PRKCE: variants seen among roughly 807,000 people sequenced by gnomAD.
PRKCE encodes the protein protein kinase C epsilon, also known as protein kinase C epsilon type.
In PRKCE, 16 loss-of-function variants were observed where a neutral mutation model predicts 85.4. The ratio of observed to expected loss-of-function variants is 0.19; its 90% CI spans 0.13 to 0.28. The LOEUF (loss-of-function observed/expected upper bound fraction) is 0.28. Among genes scored for constraint, PRKCE ranks in the 10% least tolerant of loss-of-function variants. The pLI, the probability that PRKCE is intolerant of heterozygous loss-of-function variation, is 1.00. For missense variants in PRKCE, 573 were observed against 975.2 expected (o/e 0.59, Z 5.49); for synonymous variants, 388 against 371.5 (o/e 1.04, Z -0.51).
intron 10 of PRKCE, among the ~76,000 whole-genome samples, chr2:46,054,114 T>G (rs986223626): frequency 1.1e-4 from 17 of 152,260 alleles, no homozygotes; most frequent in Admixed American, 9.2e-4. Flanking sequence ...TTGTGCTTTT[T>G]ATATAGCAGG....
At chr2:45,670,772 C>T (rs1676122212) in intron 1 of PRKCE, among the ~76,000 whole-genome samples, 1 of 152,202 alleles carries the variant, frequency 6.6e-6, no homozygotes, top group Non-Finnish European at 1.5e-5. Context: ...GAGGAGGTGG[C>T]TTTTGACCTA....
At chr2:45,873,856 C>CA (rs1187595099) in intron 2 of PRKCE, among the ~76,000 whole-genome samples, 1 of 152,188 alleles carries the variant, frequency 6.6e-6, no homozygotes, top group Admixed American at 6.5e-5. Flanking sequence ...CACTCCGCCC[C>CA]AAAAAAACCA....
At chr2:46,021,834 T>C in intron 10 of PRKCE, among the ~76,000 whole-genome samples, 1 of 152,104 alleles carries the variant, frequency 6.6e-6, no homozygotes, top group East Asian at 1.9e-4. Context: ...ATTTACCTTT[T>C]TGTGTGTGTG....
At chr2:46,132,746 G>A (rs114118135) in intron 11 of PRKCE, among the ~76,000 whole-genome samples, 3,030 of 152,290 alleles carry the variant, frequency 0.02, 97 homozygotes, top group African/African-American at 0.06. Context: ...GGAAAGCACC[G>A]CATGGTCTTA....
intron 11 of PRKCE, among the ~76,000 whole-genome samples, chr2:46,137,521 C>T (rs968933283): frequency 5.4e-5 from 8 of 149,134 alleles, no homozygotes; most frequent in African/African-American, 2.0e-4. Flanking sequence ...GAGGCCAAGG[C>T]GGGTGGATCA....
In PRKCE at chr2:45,774,842, C is replaced by T. The variant is rs1472429923; in HGVS notation, c.349-68158C>T. On this transcript the variant is annotated intron_variant, in intron 1 of 14. Coordinates refer to ENST00000306156, the MANE Select transcript of PRKCE (RefSeq NM_005400.3). The surrounding 1 kb of genome is among the most constrained non-coding windows in gnomAD (Gnocchi z 4.3). ...CCTGGGAGTCTCAGTCCTGCTCCTC[C>T]CATTCCTGAGTTCGTCTCCAAGTCC... 6.6e-6 allele frequency among the ~76,000 whole-genome samples: 1 copy of T among 152,190 alleles called. No individual in the cohort carries two copies. The highest frequency in any genetic ancestry group is 2.1e-4 in the South Asian group (1 of 4,824).
At chr2:45,983,605 G>C (rs531526781) in intron 5 of PRKCE, among the ~76,000 whole-genome samples, 1 of 152,278 alleles carries the variant, frequency 6.6e-6, no homozygotes, top group South Asian at 2.1e-4. Flanking sequence ...CTGTGACACT[G>C]GGTGGGACAG....
chr2:46,057,773 T>C (rs1019994146), intron 10 of PRKCE, among the ~76,000 whole-genome samples: 1 of 152,176 alleles, frequency 6.6e-6, no homozygotes, highest in African/African-American at 2.4e-5. Context: ...TTCTCAAGCA[T>C]TCAGGCGTCA....
At chr2:45,848,905 G>T (rs1384372210) in intron 2 of PRKCE, among the ~76,000 whole-genome samples, 1 of 152,170 alleles carries the variant, frequency 6.6e-6, no homozygotes, top group African/African-American at 2.4e-5. Flanking sequence ...GGCTTGGGTT[G>T]GAAAGGAAAG....
chr2:45,985,468 T>G (rs182699703), intron 6 of PRKCE, among the ~76,000 whole-genome samples: 35 of 152,258 alleles, frequency 2.3e-4, no homozygotes, highest in Admixed American at 2.0e-3. Context: ...GCAGGGATAT[T>G]GCATGGACAA....
chr2:46,113,368 C>G (rs991835591), intron 11 of PRKCE, among the ~76,000 whole-genome samples: 1 of 152,222 alleles, frequency 6.6e-6, no homozygotes, highest in Admixed American at 6.5e-5. Context: ...AAATCTCTTT[C>G]AATCTCATTT....
intron 11 of PRKCE, among the ~76,000 whole-genome samples, chr2:46,124,098 G>A (rs1050639644): frequency 1.3e-5 from 2 of 151,824 alleles, no homozygotes; most frequent in African/African-American, 2.4e-5. Context: ...GCCAAGGTGG[G>A]CGGATCACTG....
chr2:45,707,553 T>C (rs1010804548), intron 1 of PRKCE, among the ~76,000 whole-genome samples: 7 of 152,234 alleles, frequency 4.6e-5, no homozygotes, highest in African/African-American at 1.7e-4. Context: ...AAGCTGGTCC[T>C]GTGACTTGCT....
chr2:45,840,001 A>T (rs887523597), intron 1 of PRKCE, among the ~76,000 whole-genome samples: 8 of 152,224 alleles, frequency 5.3e-5, no homozygotes, highest in African/African-American at 1.4e-4. Context: ...ATTTTATCAT[A>T]AATGACCTGT....
intron 10 of PRKCE, among the ~76,000 whole-genome samples, chr2:46,066,083 A>G (rs1667600763): frequency 6.6e-6 from 1 of 152,232 alleles, no homozygotes; most frequent in Non-Finnish European, 1.5e-5. Flanking sequence ...TAACCTTGGC[A>G]TCTCCCATGA....
At chr2:46,129,117 A>T (rs72879734) in intron 11 of PRKCE, among the ~76,000 whole-genome samples, 1,666 of 152,292 alleles carry the variant, frequency 0.011, 27 homozygotes, top group African/African-American at 0.038. Context: ...TGTCATCTTT[A>T]AAATGGGAGT....
At chr2:45,823,874 G>A (rs544141906) in intron 1 of PRKCE, among the ~76,000 whole-genome samples, 22 of 152,234 alleles carry the variant, frequency 1.4e-4, no homozygotes, top group Non-Finnish European at 2.6e-4. Flanking sequence ...CAGAGCTTTC[G>A]CAGAGGCCTG....
chr2:45,952,333 C>G (rs866333509), intron 2 of PRKCE, among the ~76,000 whole-genome samples: 5 of 152,336 alleles, frequency 3.3e-5, no homozygotes, highest in Middle Eastern at 3.4e-3. Flanking sequence ...CTGGGCCTCG[C>G]AAGCGTACAT....
intron 2 of PRKCE, among the ~76,000 whole-genome samples, chr2:45,948,002 C>T (rs1700354475): frequency 6.6e-6 from 1 of 152,170 alleles, no homozygotes; most frequent in Admixed American, 6.5e-5. Context: ...CCTGCCACCC[C>T]ATCCTAGACC....
Sources: gnomAD v4.1 joint callset for allele counts (sites outside exome capture counted in the v4.1 genomes callset) on GRCh38, gnomAD v4.1.1 for gene constraint, Gnocchi (gnomAD v3.1) non-coding constraint, MANE v1.5 for transcripts, NCBI Gene and HGNC (gene_info 2026-07-23, HGNC 2026-07-21) for gene names.